Variants in CHODL observed in about 807,000 individuals in gnomAD.
CHODL encodes chondrolectin, also known as transmembrane protein MT75.
A neutral mutation model predicts 34.5 loss-of-function variants in CHODL; 29 were observed. That is an observed-to-expected ratio of 0.84 (90% CI 0.63 to 1.15). CHODL has a LOEUF of 1.15. Among genes scored for constraint, CHODL ranks in the 50% most tolerant of loss-of-function variants. The pLI, the probability that CHODL is intolerant of heterozygous loss-of-function variation, is 0.00. For synonymous variants in CHODL, 125 were observed against 116.1 expected (o/e 1.08, Z -0.49); for missense variants, 332 against 332.5 (o/e 1.00, Z 0.01).
chr21:17,952,961 G>A (rs533404115), intron 1 of CHODL, among the ~76,000 whole-genome samples: 2 of 152,200 alleles, frequency 1.3e-5, no homozygotes, highest in South Asian at 2.1e-4. Context: ...ATCAGATCTT[G>A]TGAGAACTCC....
intron 2 of CHODL, among the ~76,000 whole-genome samples, chr21:18,139,785 A>G (rs2072779844): frequency 6.6e-6 from 1 of 152,214 alleles, no homozygotes; most frequent in African/African-American, 2.4e-5. Flanking sequence ...TGTACTATGT[A>G]GTCTTTTCTG....
intron 2 of CHODL, among the ~76,000 whole-genome samples, chr21:18,077,973 G>C (rs2064886939): frequency 1.3e-5 from 2 of 152,180 alleles, no homozygotes. Context: ...AGATTTAAGA[G>C]TAATTTCAGT....
chr21:18,164,550 G>A (rs1483898991), intron 2 of CHODL, among the ~76,000 whole-genome samples: 1 of 152,130 alleles, frequency 6.6e-6, no homozygotes, highest in East Asian at 1.9e-4. Flanking sequence ...CTAATTCTAT[G>A]ACTTAACTTT....
intron 2 of CHODL, among the ~76,000 whole-genome samples, chr21:18,096,074 A>G (rs1012963529): frequency 2.0e-5 from 3 of 152,168 alleles, no homozygotes; most frequent in African/African-American, 7.2e-5. Flanking sequence ...CCAAATTAAT[A>G]CTTTTATAAT....
chr21:18,050,985 T>C (rs2064507396), intron 2 of CHODL, among the ~76,000 whole-genome samples: 1 of 151,860 alleles, frequency 6.6e-6, no homozygotes, highest in Admixed American at 6.6e-5. Flanking sequence ...ACGTGTAGGT[T>C]TGTTACATAG....
At chr21:18,165,433 G>T (rs1336009671) in intron 2 of CHODL, among the ~76,000 whole-genome samples, 1 of 152,012 alleles carries the variant, frequency 6.6e-6, no homozygotes, top group Non-Finnish European at 1.5e-5. Context: ...GGTATCTATT[G>T]CTGCATATAG....
chr21:18,263,576 T>A (rs1182880627), intron 5 of CHODL, among the ~76,000 whole-genome samples: 3 of 152,098 alleles, frequency 2.0e-5, no homozygotes, highest in Non-Finnish European at 2.9e-5. Flanking sequence ...AAATTCAATA[T>A]AATGAAAATG....
chr21:18,151,289 C>G (rs1011454107), intron 2 of CHODL, among the ~76,000 whole-genome samples: 1 of 152,030 alleles, frequency 6.6e-6, no homozygotes, highest in African/African-American at 2.4e-5. Flanking sequence ...TATCCAGTCA[C>G]GTTTGTACAC....
chr21:18,047,944 A>G (rs1384008756), intron 2 of CHODL, among the ~76,000 whole-genome samples: 1 of 151,946 alleles, frequency 6.6e-6, no homozygotes, highest in African/African-American at 2.4e-5. Flanking sequence ...ATCTTGGGAA[A>G]ATGGCCACCA....
intron 2 of CHODL, among the ~76,000 whole-genome samples, chr21:18,180,390 C>T (rs944102426): frequency 6.6e-6 from 1 of 152,128 alleles, no homozygotes; most frequent in Non-Finnish European, 1.5e-5. Context: ...AGCAATCCTC[C>T]TGCTGGGCCT....
chr21:18,066,393 T>C (rs1390535234), intron 2 of CHODL, among the ~76,000 whole-genome samples: 2 of 143,132 alleles, frequency 1.4e-5, no homozygotes, highest in African/African-American at 6.1e-5. Flanking sequence ...TAATTCATAT[T>C]TGAATATTTT....
chr21:18,254,221 A>G (rs2074290046), intron 1 of CHODL, among the ~76,000 whole-genome samples: 1 of 152,060 alleles, frequency 6.6e-6, no homozygotes, highest in Admixed American at 6.6e-5. Context: ...GATAGGCTAC[A>G]CAATTAAATA....
chr21:18,092,247 T>A (rs2065082766), intron 2 of CHODL, among the ~76,000 whole-genome samples: 1 of 152,110 alleles, frequency 6.6e-6, no homozygotes, highest in Non-Finnish European at 1.5e-5. Context: ...TTCCTTTGAG[T>A]CTTATGCAAG....
intron 2 of CHODL, among the ~76,000 whole-genome samples, chr21:18,221,468 C>T (rs949599078): frequency 1.3e-5 from 2 of 152,126 alleles, no homozygotes; most frequent in African/African-American, 4.8e-5. Context: ...ATGTTTCTTA[C>T]TTCCTTATGT....
intron 1 of CHODL, among the ~76,000 whole-genome samples, chr21:17,966,750 T>C (rs778636879): frequency 2.4e-4 from 37 of 152,212 alleles, no homozygotes; most frequent in South Asian, 1.4e-3. Flanking sequence ...CCTTGGGTAC[T>C]AGTCTCCCTT....
At chr21:18,090,680 A>G (rs1447296823) in intron 2 of CHODL, among the ~76,000 whole-genome samples, 1 of 150,904 alleles carries the variant, frequency 6.6e-6, no homozygotes, top group African/African-American at 2.4e-5. Context: ...AAAAAAATGT[A>G]GAGTATAACT....
intron 2 of CHODL, among the ~76,000 whole-genome samples, chr21:18,181,536 G>T (rs2073381924): frequency 6.6e-6 from 1 of 152,188 alleles, no homozygotes; most frequent in African/African-American, 2.4e-5. Flanking sequence ...CCGAGTAGCT[G>T]GAACTACAGG....
chr21:18,157,485 G>T (rs2073048097), intron 2 of CHODL, among the ~76,000 whole-genome samples: 1 of 152,190 alleles, frequency 6.6e-6, no homozygotes, highest in Non-Finnish European at 1.5e-5. Context: ...TAACATTATA[G>T]ATATATTCCA....
At chr21:18,070,722 A>G (rs2064793178) in intron 2 of CHODL, among the ~76,000 whole-genome samples, 1 of 152,098 alleles carries the variant, frequency 6.6e-6, no homozygotes, top group African/African-American at 2.4e-5. Context: ...CTCCCAATCA[A>G]AGAAGTGCGT....
Sources: allele counts gnomAD v4.1 joint callset (sites outside exome capture counted in the v4.1 genomes callset), GRCh38; gene constraint gnomAD v4.1.1; transcripts MANE v1.5; gene names NCBI Gene and HGNC (gene_info 2026-07-23, HGNC 2026-07-21).